CAMK2D: variants seen among roughly 807,000 people sequenced by gnomAD.
CAMK2D encodes calcium/calmodulin dependent protein kinase II delta.
Under a neutral mutation model 84.0 loss-of-function variants are expected in CAMK2D, and 37 were observed. The observed-to-expected ratio is 0.44, with a 90% CI of 0.34 to 0.58. The LOEUF is 0.58. CAMK2D is among the 20% of genes least tolerant of loss of function. The probability of loss-of-function intolerance (pLI) is 0.02; values close to 1 mark genes in which losing one functional copy is unlikely to be tolerated. For missense variants in CAMK2D, 448 were observed against 652.5 expected (o/e 0.69, Z 3.41); for synonymous variants, 202 against 212.5 (o/e 0.95, Z 0.43).
chr4:113,719,764 T>C (rs1040733609), intron 2 of CAMK2D, among the ~76,000 whole-genome samples: 4 of 152,172 alleles, frequency 2.6e-5, no homozygotes, highest in Non-Finnish European at 5.9e-5. Context: ...CATTTTATTA[T>C]ATGGGATCCC....
At chr4:113,668,616 CTG>C (rs1285010570) in intron 2 of CAMK2D, among the ~76,000 whole-genome samples, 1 of 151,984 alleles carries the variant, frequency 6.6e-6, no homozygotes, top group African/African-American at 2.4e-5. Flanking sequence ...ATAAAAATAA[CTG>C]TTTTTCATAA....
chr4:113,710,208 T>C (rs2099487743), intron 2 of CAMK2D, among the ~76,000 whole-genome samples: 1 of 152,112 alleles, frequency 6.6e-6, no homozygotes, highest in South Asian at 2.1e-4. Flanking sequence ...TTAAGTTATA[T>C]TTATTTCCTA....
chr4:113,548,123 T>C (rs748290019), intron 5 of CAMK2D, among the ~76,000 whole-genome samples: 4 of 152,188 alleles, frequency 2.6e-5, no homozygotes, highest in Admixed American at 2.0e-4. Flanking sequence ...GCTGTCACAT[T>C]AACAGTCAGG....
At chr4:113,613,308 A>G (rs1318866573) in intron 3 of CAMK2D, among the ~76,000 whole-genome samples, 1 of 152,166 alleles carries the variant, frequency 6.6e-6, no homozygotes, top group African/African-American at 2.4e-5. Context: ...GTAGAGTTGG[A>G]TGATTCCAAA....
intron 3 of CAMK2D, among the ~76,000 whole-genome samples, chr4:113,636,884 A>G (rs2099111890): frequency 6.6e-6 from 1 of 152,156 alleles, no homozygotes; most frequent in African/African-American, 2.4e-5. Flanking sequence ...TCCCACTCAG[A>G]TGGAAAGTAA....
chr4:113,657,619 C>T (rs1159818731), intron 3 of CAMK2D, among the ~76,000 whole-genome samples: 3 of 151,968 alleles, frequency 2.0e-5, no homozygotes, highest in Non-Finnish European at 4.4e-5. Flanking sequence ...CCAAATTTTC[C>T]ACTAACAGTA....
intron 16 of CAMK2D, among the ~76,000 whole-genome samples, chr4:113,470,262 T>C (rs1429178137): frequency 6.6e-6 from 1 of 152,178 alleles, no homozygotes; most frequent in African/African-American, 2.4e-5. Context: ...CCTTTATATG[T>C]ACTGTCTTCT....
chr4:113,488,672 T>C (rs746824741), intron 16 of CAMK2D, among the ~76,000 whole-genome samples: 1 of 152,214 alleles, frequency 6.6e-6, no homozygotes, highest in Non-Finnish European at 1.5e-5. Flanking sequence ...CAATGCTACA[T>C]TATTTTTGCT....
intron 16 of CAMK2D, among the ~76,000 whole-genome samples, chr4:113,494,588 T>G (rs1344037951): frequency 6.6e-6 from 1 of 152,250 alleles, no homozygotes; most frequent in East Asian, 1.9e-4. Context: ...TACTGCTGTC[T>G]TTTTGTTTGT....
At chr4:113,476,133 A>G (rs1332688727) in intron 16 of CAMK2D, among the ~76,000 whole-genome samples, 1 of 152,188 alleles carries the variant, frequency 6.6e-6, no homozygotes, top group African/African-American at 2.4e-5. Context: ...GCATTCATCT[A>G]TGGCATTGTA....
chr4:113,484,232 G>A (rs1324829741), intron 16 of CAMK2D, among the ~76,000 whole-genome samples: 1 of 152,112 alleles, frequency 6.6e-6, no homozygotes, highest in African/African-American at 2.4e-5. Flanking sequence ...ATGGAATTTA[G>A]TAACCCAATG....
intron 2 of CAMK2D, among the ~76,000 whole-genome samples, chr4:113,680,544 TA>T (rs145420901): frequency 0.048 from 7,225 of 151,964 alleles, 260 homozygotes; most frequent in African/African-American, 0.095. Context: ...GACATGAGCT[TA>T]AAAAAAAGTT....
intron 3 of CAMK2D, among the ~76,000 whole-genome samples, chr4:113,610,554 T>G (rs536265641): frequency 1.3e-5 from 2 of 152,282 alleles, no homozygotes; most frequent in South Asian, 4.1e-4. Context: ...TCCATCCCCT[T>G]TGGATCTCAT....
At chr4:113,506,923 T>G (rs1051319817) in intron 13 of CAMK2D, among the ~76,000 whole-genome samples, 8 of 150,388 alleles carry the variant, frequency 5.3e-5, no homozygotes, top group African/African-American at 2.0e-4. Context: ...CTACACACAT[T>G]CACACACAGA....
intron 4 of CAMK2D, among the ~76,000 whole-genome samples, chr4:113,571,474 T>G (rs2098753214): frequency 6.6e-6 from 1 of 152,176 alleles, no homozygotes; most frequent in Non-Finnish European, 1.5e-5. Flanking sequence ...GGAATCTTGT[T>G]ATTTGTAAAA....
At chr4:113,754,882 T>A in intron 2 of CAMK2D, 1 of 983,558 alleles carries the variant, frequency 1.0e-6, no homozygotes, top group Non-Finnish European at 1.2e-6. Flanking sequence ...GGAGATTCTA[T>A]GTACAAATAT....
chr4:113,499,840 T>C (rs568269770), intron 16 of CAMK2D, among the ~76,000 whole-genome samples: 5 of 152,286 alleles, frequency 3.3e-5, no homozygotes, highest in African/African-American at 1.2e-4. Context: ...GGAGGTGACC[T>C]AACTGCAAAT....
Position 113,452,489 on chromosome 4 carries a change from A to T in CAMK2D, c.*2056T>A, listed in dbSNP as rs2097264478. ...TTTACCATTATGGCAAGAAATATAT[A>T]CAGTGTCCCATGGTAAACTGCAGTG... On this transcript the variant is annotated 3_prime_UTR_variant, in exon 21 of 21. Transcript: ENST00000511664. 6.6e-6 allele frequency: 1 copy of T among 152,614 alleles called. No homozygotes were observed. Among genetic ancestry groups the T allele is most frequent in the Admixed American group, 6.5e-5 (1 of 15,270 alleles). The allele number at this position is 152,614 out of a possible 1,614,324, so 9.5% of individuals were successfully genotyped here.
At chr4:113,500,038 G>A (rs1451557047) in intron 16 of CAMK2D, among the ~76,000 whole-genome samples, 1 of 152,100 alleles carries the variant, frequency 6.6e-6, no homozygotes, top group East Asian at 1.9e-4. Context: ...TATTATTTGA[G>A]ATGACTAAAA....
Sources: gnomAD v4.1 joint callset for allele counts (sites outside exome capture counted in the v4.1 genomes callset) on GRCh38, gnomAD v4.1.1 for gene constraint, MANE v1.5 for transcripts, NCBI Gene and HGNC (gene_info 2026-07-23, HGNC 2026-07-21) for gene names.